DOCK3: variants seen among roughly 807,000 people sequenced by gnomAD.
DOCK3 encodes dedicator of cytokinesis 3, also known as dedicator of cytokinesis protein 3.
In DOCK3, 60 loss-of-function variants were observed where a neutral mutation model predicts 265.6. The observed-to-expected ratio is 0.23, with a 90% confidence interval of 0.18 to 0.28. The LOEUF (loss-of-function observed/expected upper bound fraction) is 0.28. Ranked by LOEUF, DOCK3 falls within the 10% of genes least tolerant of loss-of-function variation. The pLI, the probability that DOCK3 is intolerant of heterozygous loss-of-function variation, is 1.00. For missense variants in DOCK3, 1,981 were observed against 2,594.3 expected, an observed-to-expected ratio of 0.76 and a Z score of 5.14; for synonymous variants, 881 against 938.0, an observed-to-expected ratio of 0.94 and a Z score of 1.11.
chr3:50,932,533 G>C (rs936642968), intron 4 of DOCK3, among the ~76,000 whole-genome samples: 2 of 152,078 alleles, frequency 1.3e-5, no homozygotes, highest in Non-Finnish European at 2.9e-5. Context: ...ATATTATCAA[G>C]TTAGTCCCCG....
intron 44 of DOCK3, among the ~76,000 whole-genome samples, chr3:51,357,405 C>T (rs1006246874): frequency 6.6e-6 from 1 of 152,174 alleles, no homozygotes; most frequent in Non-Finnish European, 1.5e-5. Context: ...TAAGTGCCCT[C>T]CAAGAGGAGC....
chr3:51,147,169 C>T (rs923408017), intron 10 of DOCK3, among the ~76,000 whole-genome samples: 5 of 152,024 alleles, frequency 3.3e-5, no homozygotes, highest in African/African-American at 9.7e-5. Flanking sequence ...TGTTCTTATC[C>T]AAGGCCACTG....
chr3:51,018,270 C>T (rs1481412455), intron 5 of DOCK3, among the ~76,000 whole-genome samples: 2 of 151,646 alleles, frequency 1.3e-5, no homozygotes, highest in African/African-American at 4.9e-5. Context: ...CAATTACTAA[C>T]ATTTCAGTGT....
At chr3:50,690,507 C>G (rs2035148339) in intron 1 of DOCK3, among the ~76,000 whole-genome samples, 1 of 152,112 alleles carries the variant, frequency 6.6e-6, no homozygotes, top group Admixed American at 6.5e-5. Flanking sequence ...CTGTCTATCT[C>G]TGGAATTTTT....
intron 9 of DOCK3, among the ~76,000 whole-genome samples, chr3:51,103,323 C>G (rs2083155494): frequency 6.6e-6 from 1 of 151,562 alleles, no homozygotes; most frequent in African/African-American, 2.4e-5. Flanking sequence ...TGCTCATGCA[C>G]AAAAAAGGGA....
rs2088502073 is a variant in DOCK3 at position 51,380,121 on chromosome 3, G to A, written c.5501-4G>A. 1.2e-6 allele frequency: 2 copies of A among 1,612,776 alleles called. No homozygotes were observed. Among genetic ancestry groups the A allele is most frequent in the Non-Finnish European group, 1.7e-6 (2 of 1,179,222 alleles). ...CTGAGGCTCTGGTTCTGTTCCCTTTGCAGGTCATTACTCCCTACACTTTGA... is the reference window on the plus strand; with the variant it reads ...CTGAGGCTCTGGTTCTGTTCCCTTTACAGGTCATTACTCCCTACACTTTGA... On this transcript the variant is annotated splice_polypyrimidine_tract_variant and splice_region_variant and intron_variant, in intron 51 of 52. Coordinates refer to ENST00000266037, the MANE Select transcript of DOCK3 (RefSeq NM_004947.5).
In DOCK3 at chr3:50,949,820, T is replaced by C. The variant is rs9838449; in HGVS notation, c.315+15743T>C. 3.5e-3 allele frequency among the ~76,000 whole-genome samples: 527 copies of C among 152,226 alleles called. 4 individuals are homozygous for C. Among genetic ancestry groups the C allele is most frequent in the African/African-American group, 0.012 (508 of 41,572 alleles). On this transcript the variant is annotated intron_variant, in intron 5 of 52. Transcript: ENST00000266037. ...TACATAGCTAGTGTTTATTTGTTCT[T>C]CTTGCTCTTGCTAAACTTGTGTCTA... is the stretch of plus-strand genomic sequence containing the variant.
At chr3:50,840,273 T>C (rs558989686) in intron 2 of DOCK3, among the ~76,000 whole-genome samples, 6 of 152,314 alleles carry the variant, frequency 3.9e-5, no homozygotes, top group African/African-American at 1.4e-4. Context: ...CTTTTGGTGT[T>C]GTAGTTAAAA....
At chr3:51,265,238 CCAGACGGATTCA>C (rs1298411540) in intron 23 of DOCK3, among the ~76,000 whole-genome samples, 1 of 152,136 alleles carries the variant, frequency 6.6e-6, no homozygotes, top group Non-Finnish European at 1.5e-5. Flanking sequence ...AATCCCAGGA[CCAGACGGATTCA>C]CAGCCAAATT....
intron 3 of DOCK3, among the ~76,000 whole-genome samples, chr3:50,883,199 T>C (rs779155272): frequency 2.0e-5 from 3 of 151,870 alleles, no homozygotes; most frequent in Non-Finnish European, 2.9e-5. Context: ...CACACCAACA[T>C]GGCACATGTA....
At chr3:51,212,069 G>A (rs1206136082) in intron 13 of DOCK3, among the ~76,000 whole-genome samples, 1 of 152,152 alleles carries the variant, frequency 6.6e-6, no homozygotes, top group African/African-American at 2.4e-5. Flanking sequence ...GTCACCCAGG[G>A]TTTCAGAACT....
At chr3:51,047,221 G>A (rs990301045) in intron 5 of DOCK3, among the ~76,000 whole-genome samples, 1 of 123,946 alleles carries the variant, frequency 8.1e-6, no homozygotes, top group African/African-American at 3.1e-5. Flanking sequence ...AGAACACTTG[G>A]ACACAGGATG....
chr3:51,092,870 C>T (rs2082691918), intron 9 of DOCK3, among the ~76,000 whole-genome samples: 1 of 152,162 alleles, frequency 6.6e-6, no homozygotes, highest in Non-Finnish European at 1.5e-5. Context: ...GTGTAAGGAA[C>T]GGGTTCCGTT....
intron 19 of DOCK3, among the ~76,000 whole-genome samples, chr3:51,230,314 T>G (rs2108404962): frequency 6.6e-6 from 1 of 152,288 alleles, no homozygotes; most frequent in African/African-American, 2.4e-5. Flanking sequence ...TGTTACCATT[T>G]TTATGTCCAC....
At chr3:51,061,141 G>A (rs1436532176) in intron 5 of DOCK3, among the ~76,000 whole-genome samples, 1 of 152,180 alleles carries the variant, frequency 6.6e-6, no homozygotes, top group Non-Finnish European at 1.5e-5. Context: ...AACCATTGTG[G>A]AAGTCAGTGT....
intron 5 of DOCK3, among the ~76,000 whole-genome samples, chr3:50,956,633 T>A (rs1380011894): frequency 2.0e-5 from 3 of 152,076 alleles, no homozygotes; most frequent in African/African-American, 7.2e-5. Flanking sequence ...GTTTTATAGA[T>A]AAGGAAATGG....
intron 24 of DOCK3, among the ~76,000 whole-genome samples, chr3:51,272,014 A>G (rs1014238799): frequency 2.0e-5 from 3 of 152,178 alleles, no homozygotes; most frequent in African/African-American, 7.2e-5. Context: ...GGGTCAGGAC[A>G]ATCTAATATA....
At chr3:50,788,506 A>G (rs2042298033) in intron 2 of DOCK3, among the ~76,000 whole-genome samples, 1 of 152,210 alleles carries the variant, frequency 6.6e-6, no homozygotes, top group Admixed American at 6.5e-5. Context: ...TTTTCTTCTG[A>G]AGAGAACTAC....
chr3:51,077,639 C>G (rs887647102), intron 7 of DOCK3, among the ~76,000 whole-genome samples: 2 of 152,128 alleles, frequency 1.3e-5, no homozygotes, highest in Non-Finnish European at 2.9e-5. Context: ...AGAATTATAC[C>G]TGTGTTTTTG....
Sources: allele counts gnomAD v4.1 joint callset (sites outside exome capture counted in the v4.1 genomes callset), GRCh38; gene constraint gnomAD v4.1.1; transcripts MANE v1.5; gene names NCBI Gene and HGNC (gene_info 2026-07-23, HGNC 2026-07-21).